Variants in AGBL4 observed in about 807,000 individuals in gnomAD.
The protein encoded by AGBL4 is AGBL carboxypeptidase 4.
In AGBL4, 58 loss-of-function variants were observed where a neutral mutation model predicts 66.4. The ratio of observed to expected loss-of-function variants is 0.87; its 90% CI spans 0.71 to 1.09. The LOEUF is 1.09. Among genes scored for constraint, AGBL4 ranks in the 50% least tolerant of loss-of-function variants. The pLI is 0.00. For synonymous variants in AGBL4, 234 were observed against 222.9 expected (o/e 1.05, Z -0.44); for missense variants, 579 against 631.0 (o/e 0.92, Z 0.88).
intron 3 of AGBL4, among the ~76,000 whole-genome samples, chr1:49,307,977 A>G (rs1644877677): frequency 2.0e-5 from 3 of 152,198 alleles, no homozygotes; most frequent in South Asian, 4.1e-4. Context: ...TGATTGAATC[A>G]TGGGGGTGGA....
chr1:49,947,787 G>C (rs1230452859), intron 1 of AGBL4, among the ~76,000 whole-genome samples: 2 of 148,590 alleles, frequency 1.3e-5, no homozygotes, highest in East Asian at 2.0e-4. Flanking sequence ...TGTATACCTA[G>C]AAAACCCTAA....
chr1:49,948,027 AAT>A (rs369140618), intron 1 of AGBL4, among the ~76,000 whole-genome samples: 5 of 75,874 alleles, frequency 6.6e-5, no homozygotes, highest in African/African-American at 3.5e-4. Flanking sequence ...AATATATATA[AAT>A]ATATATACAT....
At chr1:49,093,825 C>T (rs747693227) in intron 4 of AGBL4, among the ~76,000 whole-genome samples, 6 of 152,172 alleles carry the variant, frequency 3.9e-5, no homozygotes. Flanking sequence ...TTTGCCTCTA[C>T]AGCTTTCCTA....
intron 3 of AGBL4, among the ~76,000 whole-genome samples, chr1:49,491,303 G>A (rs1012123154): frequency 1.3e-5 from 2 of 151,708 alleles, no homozygotes; most frequent in East Asian, 1.9e-4. Flanking sequence ...TATAACCAAA[G>A]TTCTGAAAGT....
At chr1:49,900,424 T>C (rs1261995361) in intron 1 of AGBL4, among the ~76,000 whole-genome samples, 1 of 151,972 alleles carries the variant, frequency 6.6e-6, no homozygotes. Context: ...TTTGTATTTT[T>C]AGTAGAGACA....
At chr1:49,795,520 G>T (rs953514717) in intron 2 of AGBL4, among the ~76,000 whole-genome samples, 17 of 151,912 alleles carry the variant, frequency 1.1e-4, no homozygotes, top group Non-Finnish European at 2.1e-4. Flanking sequence ...CTGTAGAATT[G>T]TTACTGAAGT....
intron 3 of AGBL4, chr1:49,374,352 A>G (rs1337325222): frequency 6.6e-6 from 1 of 152,080 alleles, no homozygotes; most frequent in East Asian, 1.9e-4. Context: ...ATCCTAAAAA[A>G]AAAAAACAAA....
chr1:49,151,894 A>G (rs1646343212), intron 4 of AGBL4, among the ~76,000 whole-genome samples: 1 of 152,294 alleles, frequency 6.6e-6, no homozygotes, highest in East Asian at 1.9e-4. Flanking sequence ...ATTTTTGGAA[A>G]TGCTGGGTTT....
intron 5 of AGBL4, among the ~76,000 whole-genome samples, chr1:48,936,766 T>C (rs1319714859): frequency 6.6e-6 from 1 of 152,210 alleles, no homozygotes; most frequent in Non-Finnish European, 1.5e-5. Context: ...TTTCATATTA[T>C]CAGAAAACCA....
chr1:49,434,982 G>A (rs1188991702), intron 3 of AGBL4, among the ~76,000 whole-genome samples: 1 of 151,778 alleles, frequency 6.6e-6, no homozygotes, highest in Non-Finnish European at 1.5e-5. Context: ...CTTTCCACCT[G>A]GAAGTCTCTC....
chr1:49,533,030 C>T (rs1456424076), intron 3 of AGBL4, among the ~76,000 whole-genome samples: 1 of 152,112 alleles, frequency 6.6e-6, no homozygotes, highest in South Asian at 2.1e-4. Context: ...TTTTCCAATT[C>T]CTACCTACCT....
At chr1:48,869,581 C>T (rs1648443296) in intron 5 of AGBL4, among the ~76,000 whole-genome samples, 1 of 152,324 alleles carries the variant, frequency 6.6e-6, no homozygotes, top group African/African-American at 2.4e-5. Flanking sequence ...GAAAAGCTGA[C>T]AGAGTCAGAC....
intron 3 of AGBL4, among the ~76,000 whole-genome samples, chr1:49,421,825 A>G (rs2148643313): frequency 6.6e-6 from 1 of 152,238 alleles, no homozygotes; most frequent in South Asian, 2.1e-4. Flanking sequence ...AAGTTTCAAG[A>G]TAAACACTAT....
At chr1:49,238,285 C>T (rs1054276396) in intron 4 of AGBL4, among the ~76,000 whole-genome samples, 7 of 152,158 alleles carry the variant, frequency 4.6e-5, no homozygotes, top group African/African-American at 9.7e-5. Flanking sequence ...TCTCTCCTAT[C>T]GTTCTGAAAC....
At chr1:49,454,964 G>C (rs746235510) in intron 3 of AGBL4, among the ~76,000 whole-genome samples, 1 of 151,564 alleles carries the variant, frequency 6.6e-6, no homozygotes, top group Non-Finnish European at 1.5e-5. Flanking sequence ...GCCGGACTCT[G>C]AACTAAGATA....
intron 4 of AGBL4, among the ~76,000 whole-genome samples, chr1:49,076,733 T>C (rs1346880445): frequency 6.6e-6 from 1 of 152,164 alleles, no homozygotes; most frequent in Admixed American, 6.6e-5. Flanking sequence ...TCTATCAAGT[T>C]AAGTACACAA....
At chr1:48,813,910 C>T (rs1303660459) in intron 6 of AGBL4, among the ~76,000 whole-genome samples, 2 of 151,402 alleles carry the variant, frequency 1.3e-5, no homozygotes, top group Non-Finnish European at 2.9e-5. Flanking sequence ...TTTAGTTCAG[C>T]TCAGCTCAGT....
chr1:49,860,534 C>T (rs768558814), intron 1 of AGBL4, among the ~76,000 whole-genome samples: 36 of 152,024 alleles, frequency 2.4e-4, no homozygotes, highest in Non-Finnish European at 4.1e-4. Flanking sequence ...TGCATCTCAA[C>T]GAAAAATTTT....
chr1:48,742,035 G>C (rs1183020469), intron 6 of AGBL4, among the ~76,000 whole-genome samples: 1 of 152,156 alleles, frequency 6.6e-6, no homozygotes, highest in Non-Finnish European at 1.5e-5. Flanking sequence ...TGTTTTCAAG[G>C]TCATATAAAT....
Sources: allele counts gnomAD v4.1 joint callset (sites outside exome capture counted in the v4.1 genomes callset), GRCh38; gene constraint gnomAD v4.1.1; transcripts MANE v1.5; gene names NCBI Gene and HGNC (gene_info 2026-07-23, HGNC 2026-07-21).